DISP1: variants seen among roughly 807,000 people sequenced by gnomAD.
DISP1 encodes the protein dispatched RND transporter family member 1.
Under a neutral mutation model 37.3 loss-of-function variants are expected in DISP1, and 30 were observed. The ratio of observed to expected loss-of-function variants is 0.80; its 90% CI spans 0.60 to 1.09. The LOEUF is 1.09. DISP1 is among the 50% of genes least tolerant of loss of function. DISP1 has a pLI of 0.00. For missense variants in DISP1, 1,598 were observed against 1,879.5 expected (o/e 0.85, Z 2.77); for synonymous variants, 634 against 690.2 (o/e 0.92, Z 1.28).
intron 2 of DISP1, among the ~76,000 whole-genome samples, chr1:222,932,750 G>T (rs1339385702): frequency 6.6e-6 from 1 of 151,958 alleles, no homozygotes; most frequent in African/African-American, 2.4e-5. Flanking sequence ...CGAGTGTGGA[G>T]AGAAGTGGTA....
chr1:222,926,838 G>T (rs778429766), intron 1 of DISP1, among the ~76,000 whole-genome samples: 7 of 152,024 alleles, frequency 4.6e-5, no homozygotes, highest in East Asian at 3.9e-4. Context: ...TAAATCGACC[G>T]CAAAAGGGAG....
intron 3 of DISP1, among the ~76,000 whole-genome samples, chr1:222,945,320 C>T (rs1674693948): frequency 6.6e-6 from 1 of 152,196 alleles, no homozygotes; most frequent in African/African-American, 2.4e-5. Context: ...GTCCTGACCA[C>T]ATTGTGCTAC....
At position 222,942,931 on chromosome 1, in the gene DISP1, A is replaced by G. The variant is rs777635853; in HGVS notation, c.108A>G (p.Ala36=). The G allele has an allele frequency of 1.4e-5, 23 of 1,614,052 alleles. No homozygotes were observed. The African/African-American group carries it at 2.5e-4, about 18-fold the overall frequency. Residue 36 remains alanine, a synonymous_variant, in exon 3 of 9, where the codon GCA becomes GCG. Transcript: ENST00000675850. ...TCACCCCCTGTGATGGAGACCATGCAGCCCAGCAGCTCACACCCAAAGAAG... is the reference window on the plus strand; with the variant it reads ...TCACCCCCTGTGATGGAGACCATGCGGCCCAGCAGCTCACACCCAAAGAAG... ...SPLTPCDGDH[A]AQQLTPKEAT...
chr1:223,003,486 G>A lies in DISP1; in HGVS notation c.2089G>A (p.Ala697Thr), dbSNP rs200781311. Residue 697 changes from alanine (A) to threonine (T), a missense_variant, in exon 9 of 9, where the codon GCC becomes ACC. Ala to Thr is a moderately conservative substitution (Grantham distance 58). Transcript: ENST00000675850. The surrounding 1 kb of genome is among the most constrained non-coding windows in gnomAD (Gnocchi z 4.3). ...ACQKCHKVLF[A>T]ISEASRIFFE... is the part of the protein sequence containing the mutation. ...CCAGAAGTGCCACAAAGTACTCTTT[G>A]CCATTTCAGAAGCATCTCGAATTTT... The A allele has an allele frequency of 1.2e-6, 2 of 1,614,138 alleles. No homozygotes were observed. The highest frequency in any genetic ancestry group is 1.6e-4 in the Middle Eastern group (1 of 6,062).
chr1:222,881,361 A>G (rs1467729991), intron 1 of DISP1, among the ~76,000 whole-genome samples: 1 of 151,916 alleles, frequency 6.6e-6, no homozygotes, highest in East Asian at 1.9e-4. Flanking sequence ...ACGCCTGGCT[A>G]ATTTTGTATT....
At chr1:222,905,185 ATAGT>A (rs1181359077) in intron 1 of DISP1, among the ~76,000 whole-genome samples, 4 of 152,210 alleles carry the variant, frequency 2.6e-5, no homozygotes, top group Non-Finnish European at 5.9e-5. Context: ...TATTTTATAA[ATAGT>A]TAAATAATTT....
intron 1 of DISP1, among the ~76,000 whole-genome samples, chr1:222,880,707 A>C (rs540935509): frequency 6.6e-6 from 1 of 152,184 alleles, no homozygotes; most frequent in African/African-American, 2.4e-5. Flanking sequence ...TGGTGGAAAG[A>C]GTTGATTTCC....
chr1:222,836,899 T>A (rs1667211141), intron 1 of DISP1: 5 of 393,176 alleles, frequency 1.3e-5, no homozygotes, highest in Non-Finnish European at 2.2e-5. Context: ...TAACTCTGAT[T>A]TTCAATTTTC....
intron 2 of DISP1, among the ~76,000 whole-genome samples, chr1:222,942,307 A>C (rs753766758): frequency 2.0e-5 from 3 of 152,144 alleles, no homozygotes; most frequent in East Asian, 3.8e-4. Context: ...TATATTCTTG[A>C]GATTTTTCTA....
intron 1 of DISP1, among the ~76,000 whole-genome samples, chr1:222,873,645 C>T (rs545468447): frequency 2.5e-3 from 387 of 152,198 alleles, no homozygotes; most frequent in Non-Finnish European, 4.2e-3. Flanking sequence ...TCCTCCATCC[C>T]TTTATTTTGA....
chr1:222,834,843 T>C (rs1039562482), intron 1 of DISP1, among the ~76,000 whole-genome samples: 1 of 152,204 alleles, frequency 6.6e-6, no homozygotes, highest in Admixed American at 6.5e-5. Context: ...TCTGTTTTTT[T>C]CCCATGCTTA....
At chr1:222,875,830 TAA>T (rs3028391) in intron 1 of DISP1, among the ~76,000 whole-genome samples, 13,052 of 132,368 alleles carry the variant, frequency 0.099, 621 homozygotes, top group East Asian at 0.21. Flanking sequence ...CACATCTCAA[TAA>T]AAAAAAAAAA....
At chr1:222,963,353 A>G (rs143435583) in intron 3 of DISP1, among the ~76,000 whole-genome samples, 390 of 152,372 alleles carry the variant, frequency 2.6e-3, no homozygotes, top group African/African-American at 8.9e-3. Context: ...CCATTGTGGA[A>G]GACGGTATGG....
intron 3 of DISP1, among the ~76,000 whole-genome samples, chr1:222,971,251 A>C (rs1362205540): frequency 6.6e-6 from 1 of 152,102 alleles, no homozygotes; most frequent in Non-Finnish European, 1.5e-5. Context: ...TTGTCCTTAA[A>C]AGCATAGCTA....
At chr1:222,873,113 A>G (rs1160548073) in intron 1 of DISP1, among the ~76,000 whole-genome samples, 1 of 151,940 alleles carries the variant, frequency 6.6e-6, no homozygotes, top group Non-Finnish European at 1.5e-5. Flanking sequence ...CTGAGTTCTA[A>G]TTTGATTGCA....
At chr1:222,974,086 A>G (rs956752371) in intron 3 of DISP1, among the ~76,000 whole-genome samples, 2 of 152,246 alleles carry the variant, frequency 1.3e-5, no homozygotes, top group African/African-American at 4.8e-5. Context: ...AAAAGCGTAC[A>G]GTGCTGATGA....
chr1:222,996,322 G>T (rs549696953), intron 8 of DISP1, among the ~76,000 whole-genome samples: 23 of 152,292 alleles, frequency 1.5e-4, no homozygotes, highest in African/African-American at 5.5e-4. Context: ...AATTTACTAT[G>T]TGCAAGACTT....
chr1:222,980,947 A>G (rs1297153457), intron 3 of DISP1, among the ~76,000 whole-genome samples: 1 of 152,200 alleles, frequency 6.6e-6, no homozygotes, highest in Non-Finnish European at 1.5e-5. Flanking sequence ...GCTTGGTGGC[A>G]TGCGCCTGTA....
At chr1:222,821,035 C>G (rs1191291870) in intron 1 of DISP1, among the ~76,000 whole-genome samples, 10 of 152,070 alleles carry the variant, frequency 6.6e-5, no homozygotes, top group Admixed American at 6.5e-4. Flanking sequence ...CTTTTGCCTT[C>G]AAGTTTATCA....
Sources: gnomAD v4.1 joint callset for allele counts (sites outside exome capture counted in the v4.1 genomes callset) on GRCh38, gnomAD v4.1.1 for gene constraint, Gnocchi (gnomAD v3.1) non-coding constraint, MANE v1.5 for transcripts, NCBI Gene and HGNC (gene_info 2026-07-23, HGNC 2026-07-21) for gene names.